Variants in ENAH observed in about 807,000 individuals in gnomAD.
ENAH encodes the protein protein enabled homolog.
A neutral mutation model predicts 78.7 loss-of-function variants in ENAH; 23 were observed. The ratio of observed to expected loss-of-function variants is 0.29; its 90% confidence interval spans 0.21 to 0.41. The LOEUF (loss-of-function observed/expected upper bound fraction) is 0.41. Ranked by LOEUF, ENAH falls within the 10% of genes least tolerant of loss-of-function variation. The probability of loss-of-function intolerance (pLI) is 1.00; values close to 1 mark genes in which losing one functional copy is unlikely to be tolerated. For missense variants in ENAH, 544 were observed against 691.0 expected (o/e 0.79, Z 2.39); for synonymous variants, 226 against 241.0 (o/e 0.94, Z 0.58).
At chr1:225,555,861 C>T (rs1167431849) in intron 2 of ENAH, among the ~76,000 whole-genome samples, 1 of 152,136 alleles carries the variant, frequency 6.6e-6, no homozygotes, top group Non-Finnish European at 1.5e-5. Context: ...ACATATCATT[C>T]TGAGGAGGGT....
intron 1 of ENAH, among the ~76,000 whole-genome samples, chr1:225,592,069 G>C (rs1575640512): frequency 1.3e-5 from 2 of 152,124 alleles, no homozygotes; most frequent in South Asian, 4.1e-4. Context: ...TGTACATGAA[G>C]CATTCAAGTA....
chr1:225,638,843 T>C (rs534316846), intron 1 of ENAH, among the ~76,000 whole-genome samples: 11 of 152,196 alleles, frequency 7.2e-5, no homozygotes, highest in African/African-American at 1.7e-4. Context: ...CAGAACAAAA[T>C]AGGTACAAGG....
intron 3 of ENAH, among the ~76,000 whole-genome samples, chr1:225,537,442 T>A (rs1025664759): frequency 1.7e-4 from 26 of 152,192 alleles, no homozygotes; most frequent in Non-Finnish European, 8.8e-5. Context: ...ATAGGTTGCT[T>A]AAATTCTACT....
intron 3 of ENAH, among the ~76,000 whole-genome samples, chr1:225,542,873 G>T (rs1384855447): frequency 6.6e-6 from 1 of 152,044 alleles, no homozygotes; most frequent in Non-Finnish European, 1.5e-5. Flanking sequence ...TTAAAAATGA[G>T]CTGGGTGTGG....
chr1:225,540,507 G>C (rs1384950147), intron 3 of ENAH, among the ~76,000 whole-genome samples: 1 of 152,022 alleles, frequency 6.6e-6, no homozygotes, highest in African/African-American at 2.4e-5. Flanking sequence ...ATACTTAGGG[G>C]TGGGGAAAAA....
chr1:225,584,890 C>T (rs2096837567), intron 1 of ENAH, among the ~76,000 whole-genome samples: 1 of 151,948 alleles, frequency 6.6e-6, no homozygotes, highest in South Asian at 2.1e-4. Context: ...AGTAACAATC[C>T]TGAATGTACA....
chr1:225,517,758 A>T, intron 5 of ENAH: 1 of 1,551,256 alleles, frequency 6.4e-7, no homozygotes, highest in Non-Finnish European at 8.7e-7. Context: ...GGGGAAGAAC[A>T]GGGTGGAAGG....
intron 1 of ENAH, 45 bp downstream of exon 1, chr1:225,652,641 C>G: frequency 1.6e-6 from 2 of 1,263,992 alleles, no homozygotes; most frequent in Non-Finnish European, 2.0e-6. Flanking sequence ...TCGCGGCTCC[C>G]GCGGCACAAT....
chr1:225,582,356 G>A (rs2096823246), intron 1 of ENAH, among the ~76,000 whole-genome samples: 1 of 152,178 alleles, frequency 6.6e-6, no homozygotes, highest in Non-Finnish European at 1.5e-5. Flanking sequence ...TTATAGCAGT[G>A]AAAAGAACGG....
At chr1:225,603,214 C>CA (rs1057470604) in intron 1 of ENAH, among the ~76,000 whole-genome samples, 1 of 152,054 alleles carries the variant, frequency 6.6e-6, no homozygotes, top group African/African-American at 2.4e-5. Context: ...AACCTTTAAG[C>CA]AGTCATTCTC....
intron 3 of ENAH, among the ~76,000 whole-genome samples, chr1:225,545,876 C>T (rs1345577568): frequency 6.7e-6 from 1 of 149,040 alleles, no homozygotes; most frequent in Non-Finnish European, 1.5e-5. Flanking sequence ...GTAATTTAGG[C>T]CTTATTAGCT....
chr1:225,573,869 T>C (rs1238733166), intron 1 of ENAH, among the ~76,000 whole-genome samples: 4 of 152,182 alleles, frequency 2.6e-5, no homozygotes, highest in African/African-American at 9.6e-5. Flanking sequence ...TCATCATCTT[T>C]GAAAATGGAA....
rs1324538587 is a variant in ENAH, at chr1:225,492,101, T to A, written c.*5674A>T. 3 of 129,980 alleles carry A rather than the reference T, an allele frequency of 2.3e-5. No homozygotes were observed. The highest frequency in any genetic ancestry group is 3.3e-5 in the Non-Finnish European group (2 of 60,486). 8.1% of individuals were successfully genotyped at this position (129,980 alleles called of 1,614,324 possible). A position where few individuals can be genotyped will look rare whatever the true frequency, so the allele number is the denominator to read the frequency against. On this transcript the variant is annotated 3_prime_UTR_variant, in exon 14 of 14. Coordinates refer to ENST00000366843, the MANE Select transcript of ENAH (RefSeq NM_018212.6). ...TCTTAGAATTTTTTTTTTTTTTTTT[T>A]AGAGACAGGTTCTCGCTCTGTCACC...
rs985042699 is a variant in ENAH, at chr1:225,517,304, C to G, written c.805G>C (p.Ala269Pro). The change falls in exon 6 of 14, where the codon GCC becomes CCC. Residue 269 changes from alanine to proline, a missense_variant and splice_region_variant. Ala to Pro is a conservative substitution (Grantham distance 27). This residue lies in a region of ENAH where 366 missense variants were observed against 396.1 expected (regional missense o/e 0.92). Coordinates refer to ENST00000366843, the MANE Select transcript of ENAH (RefSeq NM_018212.6). ...ERERRISSAA[A>P]PASVETPLNS... Reference sequence around the variant, plus strand: ...AGAGGAGTCTCAACAGAGGCAGGGGCAGCTGCAGAGGGAGAAGGGAGAACA... The same window carrying G: ...AGAGGAGTCTCAACAGAGGCAGGGGGAGCTGCAGAGGGAGAAGGGAGAACA... 6.4e-7 allele frequency: 1 copy of G among 1,551,722 alleles called. No homozygotes were observed. Among genetic ancestry groups the G allele is most frequent in the East Asian group, 2.4e-5 (1 of 40,928 alleles).
At chr1:225,526,656 A>C (rs967054126) in intron 4 of ENAH, among the ~76,000 whole-genome samples, 2 of 152,056 alleles carry the variant, frequency 1.3e-5, no homozygotes, top group Non-Finnish European at 2.9e-5. Flanking sequence ...CGGGGAAAAA[A>C]ACAGTGAGGT....
At position 225,564,099 on chromosome 1, in the gene ENAH, G is replaced by A. The variant is rs570873307; in HGVS notation, c.171+3150C>T. On this transcript the variant is annotated intron_variant, in intron 2 of 13. Coordinates refer to ENST00000366843, the MANE Select transcript of ENAH (RefSeq NM_018212.6). ...GTTATTTGTACTGTTCCTTTTTTTT[G>A]TTTGATTCTGCAAGTTTTTTTTGTT... Among the ~76,000 whole-genome samples the A allele has an allele frequency of 3.3e-5, 5 of 150,188 alleles. No individual in the cohort carries two copies. The South Asian group carries it at 1.0e-3, about 31-fold the overall frequency.
At position 225,550,297 on chromosome 1, in the gene ENAH, A is replaced by G. The variant is rs2096635160; in HGVS notation, c.349+4609T>C. 3.3e-5 allele frequency among the ~76,000 whole-genome samples: 5 copies of G among 152,254 alleles called. No individual in the cohort carries two copies. In the South Asian group the frequency reaches 1.0e-3, roughly 32 times the overall value. ...TTCCGAAGGCCTTTCTTCACACTAC[A>G]TTCGCAAGCTGTATCCTAATTTTGC... On this transcript the variant is annotated intron_variant, in intron 3 of 13. Coordinates refer to ENST00000366843, the MANE Select transcript of ENAH (RefSeq NM_018212.6).
At chr1:225,621,807 A>T (rs1030859533) in intron 1 of ENAH, among the ~76,000 whole-genome samples, 9 of 152,126 alleles carry the variant, frequency 5.9e-5, no homozygotes, top group Non-Finnish European at 1.5e-5. Flanking sequence ...GTTTCACCTA[A>T]TCAGAAATTA....
At chr1:225,548,210 C>CTTT (rs74723965) in intron 3 of ENAH, among the ~76,000 whole-genome samples, 2 of 144,168 alleles carry the variant, frequency 1.4e-5, no homozygotes, top group Non-Finnish European at 1.5e-5. Context: ...TTTTCATTTT[C>CTTT]TTTTTTTTTT....
Sources: gnomAD v4.1 joint callset for allele counts (sites outside exome capture counted in the v4.1 genomes callset) on GRCh38, gnomAD v4.1.1 for gene constraint, gnomAD v4.1.1 regional missense constraint, MANE v1.5 for transcripts, NCBI Gene and HGNC (gene_info 2026-07-23, HGNC 2026-07-21) for gene names.